ANAPC4: variants seen among roughly 807,000 people sequenced by gnomAD.
The protein encoded by ANAPC4 is anaphase-promoting complex subunit 4.
ANAPC4 carries 63 observed loss-of-function variants against 119.8 expected under a neutral mutation model. The ratio of observed to expected loss-of-function variants is 0.53; its 90% CI spans 0.43 to 0.65. The LOEUF (loss-of-function observed/expected upper bound fraction) is 0.65. Among genes scored for constraint, ANAPC4 ranks in the 30% least tolerant of loss-of-function variants. ANAPC4 has a pLI of 0.00. For synonymous variants in ANAPC4, 283 were observed against 318.6 expected (o/e 0.89, Z 1.19); for missense variants, 716 against 945.1 (o/e 0.76, Z 3.18).
intron 4 of ANAPC4, among the ~76,000 whole-genome samples, chr4:25,386,021 C>A (rs188788920): frequency 2.0e-4 from 31 of 152,200 alleles, no homozygotes; most frequent in Admixed American, 2.0e-3. Flanking sequence ...CAGGTTGATT[C>A]TCCTGCCTTA....
chr4:25,385,711 C>G (rs117596090), intron 4 of ANAPC4, among the ~76,000 whole-genome samples: 2 of 152,190 alleles, frequency 1.3e-5, no homozygotes, highest in Non-Finnish European at 2.9e-5. Context: ...TGGTTTTCAA[C>G]GTGCCTTCCT....
intron 21 of ANAPC4, among the ~76,000 whole-genome samples, chr4:25,410,127 T>C (rs868054566): frequency 4.6e-5 from 7 of 152,184 alleles, no homozygotes; most frequent in Admixed American, 1.3e-4. Flanking sequence ...TCCAATTTAT[T>C]ATCTTCTGAA....
In ANAPC4 at chr4:25,418,342, T is replaced by C; in HGVS notation, c.2387T>C (p.Val796Ala). The change falls in exon 29 of 29, where the codon GTC becomes GCC. Residue 796 changes from valine (V) to alanine (A), a missense_variant. Around this residue, in one of 3 missense-constraint regions of ANAPC4, gnomAD observed 504 missense variants for 615.8 expected, o/e 0.82. Transcript: ENST00000315368. ...AGAAALAPEI[V>A]IKVEKLDPEL... The stretch of plus-strand genomic sequence containing the variant: ...GCTGCCGCTTTAGCTCCAGAGATAG[T>C]CATTAAAGTGGAAAAACTTGACCCT... 1 of 1,614,044 alleles carries C rather than the reference T, an allele frequency of 6.2e-7. No homozygotes were observed. The highest frequency in any genetic ancestry group is 1.3e-5 in the African/African-American group (1 of 75,028).
At chr4:25,377,960 A>G (rs953966734) in intron 2 of ANAPC4, among the ~76,000 whole-genome samples, 15 of 152,230 alleles carry the variant, frequency 9.9e-5, no homozygotes, top group African/African-American at 3.4e-4. Flanking sequence ...TTACAGTTTT[A>G]ATAGCAGTAG....
rs906094975 is a variant in ANAPC4 at position 25,377,327 on chromosome 4, C to G, written c.-28C>G. 1 of 1,497,464 alleles carries G rather than the reference C, an allele frequency of 6.7e-7. No homozygotes were observed. The highest frequency in any genetic ancestry group is 1.3e-5 in the South Asian group (1 of 79,076). 92.8% of individuals were successfully genotyped at this position (1,497,464 alleles called of 1,614,324 possible). On this transcript the variant is annotated 5_prime_UTR_variant, in exon 1 of 29. Coordinates refer to ENST00000315368, the MANE Select transcript of ANAPC4 (RefSeq NM_013367.3). ...GGCCACTGGGGCCGTGTTAGTCTGC[C>G]GGTGGGGACTCTTGCAGGTACAGGC...
chr4:25,395,119 C>T, intron 14 of ANAPC4: 1 of 486,942 alleles, frequency 2.1e-6, no homozygotes, highest in East Asian at 3.4e-5. Flanking sequence ...ATCTTTTCAC[C>T]AGGCTAGACT....
At chr4:25,386,999 A>G (rs542781546) in intron 4 of ANAPC4, among the ~76,000 whole-genome samples, 12 of 152,334 alleles carry the variant, frequency 7.9e-5, no homozygotes, top group South Asian at 6.2e-4. Flanking sequence ...TAATTAATAC[A>G]TATATTAATT....
intron 10 of ANAPC4, among the ~76,000 whole-genome samples, chr4:25,392,708 T>C (rs1472277064): frequency 6.6e-6 from 1 of 152,154 alleles, no homozygotes; most frequent in Admixed American, 6.6e-5. Context: ...AGTCTTCACA[T>C]GAGTTTACAT....
At chr4:25,389,582 C>T (rs1053225456) in intron 7 of ANAPC4, among the ~76,000 whole-genome samples, 6 of 152,188 alleles carry the variant, frequency 3.9e-5, no homozygotes, top group African/African-American at 4.8e-5. Context: ...CATGAGCCAC[C>T]GCACCTGGCC....
rs1018436308 is a variant in ANAPC4 at position 25,405,292 on chromosome 4, C to G, written c.1271-281C>G. On this transcript the variant is annotated intron_variant, in intron 17 of 28. Coordinates refer to ENST00000315368, the MANE Select transcript of ANAPC4 (RefSeq NM_013367.3). The surrounding 1 kb of genome is among the most constrained non-coding windows in gnomAD (Gnocchi z 4.6). Reference sequence around the variant, plus strand: ...GATCCTTACACACGTAGTCTTAGCACAGACAGCAGTTAGATTTGTCTGGCG... The same window carrying G: ...GATCCTTACACACGTAGTCTTAGCAGAGACAGCAGTTAGATTTGTCTGGCG... 1.3e-5 allele frequency among the ~76,000 whole-genome samples: 2 copies of G among 152,014 alleles called. No individual in the cohort carries two copies. Among genetic ancestry groups the G allele is most frequent in the South Asian group, 4.1e-4 (2 of 4,824 alleles).
intron 21 of ANAPC4, 159 bp from the exon 22 acceptor site, chr4:25,413,486 G>A (rs1038266789): frequency 7.5e-5 from 40 of 531,294 alleles, no homozygotes; most frequent in Admixed American, 7.5e-4. Flanking sequence ...GACCATGGTC[G>A]TTTTTAATGA....
At chr4:25,410,189 T>C (rs1263522719) in intron 21 of ANAPC4, among the ~76,000 whole-genome samples, 1 of 152,206 alleles carries the variant, frequency 6.6e-6, no homozygotes, top group African/African-American at 2.4e-5. Flanking sequence ...GGTGTGTGTG[T>C]GTGTGCATGT....
intron 16 of ANAPC4, among the ~76,000 whole-genome samples, chr4:25,399,992 C>G (rs1722870436): frequency 6.6e-6 from 1 of 152,118 alleles, no homozygotes; most frequent in Admixed American, 6.5e-5. Flanking sequence ...GCAAGGGAAA[C>G]ACCAAGAATA....
intron 10 of ANAPC4, 150 bp from the exon 11 acceptor site, chr4:25,393,655 C>CT: frequency 4.1e-6 from 2 of 483,348 alleles, no homozygotes; most frequent in South Asian, 5.6e-5. Flanking sequence ...GAGCAAGACT[C>CT]TGTCTCGATA....
chr4:25,383,522 A>T (rs13127230), intron 4 of ANAPC4, 129 bp downstream of exon 4: 1 of 859,308 alleles, frequency 1.2e-6, no homozygotes, highest in East Asian at 3.0e-5. Context: ...GTTTATCAAG[A>T]TGAAATTTTT....
chr4:25,403,040 G>A lies in ANAPC4; in HGVS notation c.1270+14G>A. The stretch of plus-strand genomic sequence containing the variant: ...GGCTTTATGTGGGTAAGTTAATTGA[G>A]TGAAGCATTTTTATTTTAACACTTT... On this transcript the variant is annotated intron_variant, in intron 17 of 28. Coordinates refer to ENST00000315368, the MANE Select transcript of ANAPC4 (RefSeq NM_013367.3). The A allele has an allele frequency of 6.3e-7, 1 of 1,588,312 alleles. No homozygotes were observed. The highest frequency in any genetic ancestry group is 1.1e-5 in the South Asian group (1 of 88,902).
chr4:25,414,400 C>T lies in ANAPC4; in HGVS notation c.1685+15C>T. 1 of 1,601,436 alleles carries T rather than the reference C, an allele frequency of 6.2e-7. No homozygotes were observed. The highest frequency in any genetic ancestry group is 8.5e-7 in the Non-Finnish European group (1 of 1,171,822). ...GATACCAGAAGGTAATTCTGTTTAC[C>T]TATTGGATGGTGTAATTCCGCAGCC... On this transcript the variant is annotated intron_variant, in intron 23 of 28. Transcript: ENST00000315368.
chr4:25,416,674 G>A (rs1330985586), intron 27 of ANAPC4, 76 bp downstream of exon 27: 2 of 1,201,464 alleles, frequency 1.7e-6, no homozygotes, highest in African/African-American at 1.5e-5. Context: ...CAACCTTTTA[G>A]GTACGCTAGA....
At chr4:25,406,321 C>T (rs1375043606) in intron 18 of ANAPC4, among the ~76,000 whole-genome samples, 1 of 152,132 alleles carries the variant, frequency 6.6e-6, no homozygotes, top group Non-Finnish European at 1.5e-5. Context: ...TCACTGTTAG[C>T]TTTATTTTGG....
Sources: gnomAD v4.1 joint callset for allele counts (sites outside exome capture counted in the v4.1 genomes callset) on GRCh38, gnomAD v4.1.1 for gene constraint, gnomAD v4.1.1 regional missense constraint, Gnocchi (gnomAD v3.1) non-coding constraint, MANE v1.5 for transcripts, NCBI Gene and HGNC (gene_info 2026-07-23, HGNC 2026-07-21) for gene names.